CINP: variants seen among roughly 807,000 people sequenced by gnomAD.
CINP encodes the protein cyclin dependent kinase 2 interacting protein, also known as cyclin-dependent kinase 2-interacting protein.
CINP carries 11 observed loss-of-function variants against 20.5 expected under a neutral mutation model. The ratio of observed to expected loss-of-function variants is 0.54; its 90% CI spans 0.34 to 0.89. CINP has a LOEUF of 0.89. CINP is among the 40% of genes least tolerant of loss of function. The pLI, the probability that CINP is intolerant of heterozygous loss-of-function variation, is 0.02. For synonymous variants in CINP, 108 were observed against 102.1 expected (o/e 1.06, Z -0.35); for missense variants, 213 against 251.0 (o/e 0.85, Z 1.02).
At position 102,351,155 on chromosome 14, in the gene CINP, G is replaced by A. The variant is rs1185912254; in HGVS notation, c.307-1107C>T. On this transcript the variant is annotated intron_variant, in intron 3 of 4. Transcript: ENST00000216756. This position sits in a 1 kb window ranked among gnomAD's most constrained non-coding sequence, Gnocchi z 4.2. Reference sequence around the variant, plus strand: ...TCTCTTATTAACTGCCTTTATTTACGGAAACCTCCTTGACTTCCTTGTTTA... The same window carrying A: ...TCTCTTATTAACTGCCTTTATTTACAGAAACCTCCTTGACTTCCTTGTTTA... 3.9e-5 allele frequency among the ~76,000 whole-genome samples: 6 copies of A among 152,028 alleles called. No homozygotes were observed. The highest frequency in any genetic ancestry group is 9.7e-5 in the African/African-American group (4 of 41,402).
At chr14:102,359,111 G>T (rs1467402771) in intron 2 of CINP, among the ~76,000 whole-genome samples, 1 of 151,532 alleles carries the variant, frequency 6.6e-6, no homozygotes, top group East Asian at 1.9e-4. Context: ...TGAGGTAGGA[G>T]AATTGCTTGA....
intron 1 of CINP, among the ~76,000 whole-genome samples, chr14:102,361,278 G>A (rs796364662): frequency 3.9e-5 from 6 of 152,266 alleles, no homozygotes; most frequent in African/African-American, 1.4e-4. Flanking sequence ...CAGTGTGCTG[G>A]AATGAAATAG....
intron 2 of CINP, among the ~76,000 whole-genome samples, chr14:102,356,480 C>T (rs1597749075): frequency 6.6e-6 from 1 of 151,476 alleles, no homozygotes; most frequent in East Asian, 1.9e-4. Flanking sequence ...GCTGGATGTA[C>T]AAAGATGAAT....
At position 102,362,865 on chromosome 14, in the gene CINP, A is replaced by T. The variant is rs1258295307; in HGVS notation, c.-14T>A. ...CGCACCTTCCATAAGGTCCACAGAT[A>T]TCCGTAGAAGGAGACGCGAAGCCCC... On this transcript the variant is annotated 5_prime_UTR_variant, in exon 1 of 5. Coordinates refer to ENST00000216756, the MANE Select transcript of CINP (RefSeq NM_032630.3). 2 of 1,614,088 alleles carry T rather than the reference A, an allele frequency of 1.2e-6. No individual in the cohort carries two copies. Among genetic ancestry groups the T allele is most frequent in the East Asian group, 2.2e-5 (1 of 44,876 alleles).
rs1421667374 is a variant in CINP, at chr14:102,349,929, T to C, written c.426A>G (p.Thr142=). 5 of 1,613,824 alleles carry C rather than the reference T, an allele frequency of 3.1e-6. No homozygotes were observed. Among genetic ancestry groups the C allele is most frequent in the Middle Eastern group, 1.6e-4 (1 of 6,062 alleles). ...GAAGGAACTACTTACAGAAATGGGT[T>C]GTAGGCCACGTGTGGAACAGAGGGG... ...KRPPLFHTWP[T]THFYEVSHKL... is the part of the protein sequence containing the mutation. Residue 142 remains threonine (T), a synonymous_variant, in exon 4 of 5, where the codon ACA becomes ACG. Coordinates refer to ENST00000216756, the MANE Select transcript of CINP (RefSeq NM_032630.3).
intron 3 of CINP, chr14:102,352,442 C>A (rs997950867): frequency 6.6e-6 from 3 of 451,672 alleles, no homozygotes; most frequent in Admixed American, 2.4e-5. Context: ...TGGCTTCTTC[C>A]CACAGCAAAC....
rs779934364 is a variant in CINP at position 102,359,564 on chromosome 14, G to A, written c.31C>T (p.Pro11Ser). 4 of 1,610,672 alleles carry A rather than the reference G, an allele frequency of 2.5e-6. No individual in the cohort carries two copies. In the African/African-American group the frequency reaches 4.0e-5, roughly 16 times the overall value. Residue 11 changes from proline (P) to serine (S), a missense_variant, in exon 2 of 5, where the codon CCC (proline) becomes TCC (serine). Transcript: ENST00000216756. MEAKTLGTVTPRKPVLSVSAR... is the reference protein window; with the variant it reads MEAKTLGTVTSRKPVLSVSAR... Reference sequence around the variant, plus strand: ...CTGACAGATAAGACAGGTTTTCTGGGCGTTACAGTTCCAAGAGTCTTTGCT... The same window carrying A: ...CTGACAGATAAGACAGGTTTTCTGGACGTTACAGTTCCAAGAGTCTTTGCT...
chr14:102,349,005 C>A (rs1886808075), intron 4 of CINP, among the ~76,000 whole-genome samples: 1 of 152,228 alleles, frequency 6.6e-6, no homozygotes, highest in Non-Finnish European at 1.5e-5. Context: ...GTAATCCCAG[C>A]ACTTTGGGAG....
chr14:102,350,059 T>C lies in CINP; in HGVS notation c.307-11A>G, dbSNP rs760657403. 6 of 1,605,096 alleles carry C rather than the reference T, an allele frequency of 3.7e-6. No homozygotes were observed. Among genetic ancestry groups the C allele is most frequent in the South Asian group, 2.2e-5 (2 of 90,052 alleles). ...CACCTGTATTTTGGTCTGAAAGATA[T>C]CCATTTGGAATATGATAATATTATT... On this transcript the variant is annotated splice_polypyrimidine_tract_variant and intron_variant, in intron 3 of 4. Coordinates refer to ENST00000216756, the MANE Select transcript of CINP (RefSeq NM_032630.3).
At chr14:102,358,288 T>C (rs867004724) in intron 2 of CINP, among the ~76,000 whole-genome samples, 1 of 152,214 alleles carries the variant, frequency 6.6e-6, no homozygotes, top group Non-Finnish European at 1.5e-5. Flanking sequence ...TAAACCAGTG[T>C]GAGAGGTCTA....
chr14:102,350,153 A>G, intron 3 of CINP, 105 bp from the exon 4 acceptor site: 1 of 1,055,982 alleles, frequency 9.5e-7, no homozygotes, highest in Non-Finnish European at 1.4e-6. Context: ...CTATTATGAT[A>G]AAAATTCCAA....
chr14:102,349,582 C>A (rs1270922001), intron 4 of CINP, among the ~76,000 whole-genome samples: 1 of 152,054 alleles, frequency 6.6e-6, no homozygotes, highest in African/African-American at 2.4e-5. Flanking sequence ...AAAGAAAAAC[C>A]TCAACAAACC....
intron 1 of CINP, 66 bp from the exon 2 acceptor site, chr14:102,359,653 G>A: frequency 1.6e-6 from 2 of 1,223,930 alleles, no homozygotes; most frequent in Non-Finnish European, 2.3e-6. Flanking sequence ...GAGGGCAAAT[G>A]TCCTTATAAT....
At position 102,348,720 on chromosome 14, in the gene CINP, T is replaced by C; in HGVS notation, c.476A>G (p.Glu159Gly). The change falls in exon 5 of 5, where the codon GAG (glutamate) becomes GGG (glycine). Residue 159 changes from glutamate to glycine, a missense_variant. Transcript: ENST00000216756. ...GGCCACCGTGCGCTTCAGGAGCAGC[T>C]CCTTCCTGTACATCTCCAAGAGCTT... is the stretch of plus-strand genomic sequence containing the variant. ...SHKLLEMYRK[E>G]LLLKRTVAKE... is the part of the protein sequence containing the mutation. The C allele has an allele frequency of 6.2e-7, 1 of 1,613,914 alleles. No homozygotes were observed. The highest frequency in any genetic ancestry group is 8.5e-7 in the Non-Finnish European group (1 of 1,179,930).
intron 3 of CINP, among the ~76,000 whole-genome samples, chr14:102,353,810 AG>A (rs1886929573): frequency 1.3e-5 from 2 of 150,660 alleles, no homozygotes; most frequent in South Asian, 4.2e-4. Flanking sequence ...AAGCTAAGGC[AG>A]GGCGCCAGGG....
Position 102,355,827 on chromosome 14 carries a change from C to A in CINP, c.247G>T (p.Glu83Ter). 2 of 1,614,192 alleles carry A rather than the reference C, an allele frequency of 1.2e-6. No homozygotes were observed. Among genetic ancestry groups the A allele is most frequent in the Non-Finnish European group, 1.7e-6 (2 of 1,180,024 alleles). The change falls in exon 3 of 5, where the codon GAA becomes TAA. Residue 83 changes from glutamate (E) to a stop codon, truncating the protein, a stop_gained. Transcript: ENST00000216756. LOFTEE classifies it high-confidence loss of function. The part of the protein sequence containing the change: ...SKENEEKVCL[E>*]YNEELEKLCE... ...AGCTTCTCCAGTTCCTCGTTATATT[C>A]CAGACACACCTTTTCTTCATTTTCC...
chr14:102,359,335 A>G, intron 2 of CINP, 84 bp downstream of exon 2: 1 of 1,051,530 alleles, frequency 9.5e-7, no homozygotes. Context: ...TTTGCTTAAT[A>G]TTTTATTTTA....
chr14:102,362,474 A>C (rs927267793), intron 1 of CINP: 8 of 693,854 alleles, frequency 1.2e-5, no homozygotes, highest in Non-Finnish European at 2.1e-5. Context: ...GAATGTTCTG[A>C]CTGAGGGCAG....
At chr14:102,355,665 G>A in intron 3 of CINP, 103 bp downstream of exon 3, 2 of 1,295,208 alleles carry the variant, frequency 1.5e-6, no homozygotes, top group South Asian at 2.7e-5. Flanking sequence ...CATCAGAGGA[G>A]ACTGAGAAGG....
Sources: allele counts gnomAD v4.1 joint callset (sites outside exome capture counted in the v4.1 genomes callset), GRCh38; gene constraint gnomAD v4.1.1; non-coding constraint Gnocchi (gnomAD v3.1); transcripts MANE v1.5; gene names NCBI Gene and HGNC (gene_info 2026-07-23, HGNC 2026-07-21).